RAB3GAP2: variants seen among roughly 807,000 people sequenced by gnomAD.
The protein encoded by RAB3GAP2 is rab3 GTPase-activating protein non-catalytic subunit.
RAB3GAP2 carries 87 observed loss-of-function variants against 185.3 expected under a neutral mutation model. The ratio of observed to expected loss-of-function variants is 0.47; its 90% CI spans 0.39 to 0.56. The LOEUF (loss-of-function observed/expected upper bound fraction) is 0.56, where lower values mean the gene tolerates loss of function less well. Among genes scored for constraint, RAB3GAP2 ranks in the 20% least tolerant of loss-of-function variants. RAB3GAP2 has a pLI of 0.00. For synonymous variants in RAB3GAP2, 554 were observed against 576.1 expected, an observed-to-expected ratio of 0.96 and a Z score of 0.55; for missense variants, 1,492 against 1,638.2, an observed-to-expected ratio of 0.91 and a Z score of 1.54.
intron 7 of RAB3GAP2, 51 bp from the exon 8 acceptor site, chr1:220,206,057 C>T: frequency 8.4e-7 from 1 of 1,188,326 alleles, no homozygotes; most frequent in Non-Finnish European, 1.2e-6. Flanking sequence ...ATAAGCTTAT[C>T]TACTTTTTAT....
Position 220,253,344 on chromosome 1 carries a change from C to A in RAB3GAP2, c.115+18879G>T, listed in dbSNP as rs1171772007. 4.6e-5 allele frequency among the ~76,000 whole-genome samples: 7 copies of A among 152,292 alleles called. No individual in the cohort carries two copies. In the East Asian group the frequency reaches 9.7e-4, roughly 21 times the overall value. On this transcript the variant is annotated intron_variant, in intron 1 of 34. Transcript: ENST00000358951. Reference sequence around the variant, plus strand: ...TGTTTTGTGGCCTTCACTGGTGATACCTCCAGGTACAGGAGAAACTGAGGC... The same window carrying A: ...TGTTTTGTGGCCTTCACTGGTGATAACTCCAGGTACAGGAGAAACTGAGGC...
rs1479785557 is a variant in RAB3GAP2 at position 220,232,800 on chromosome 1, G to A, written c.179C>T (p.Pro60Leu). Reference protein sequence around the residue: ...GAWEENEPQEPEEEGNTCKTQ... With the variant: ...GAWEENEPQELEEEGNTCKTQ... Reference sequence around the variant, plus strand: ...ATGCATATATTTGTAAAGACTTACAGGTTCTTGTGGTTCATTTTCTTCCCA... The same window carrying A: ...ATGCATATATTTGTAAAGACTTACAAGTTCTTGTGGTTCATTTTCTTCCCA... The change falls in exon 2 of 35, where the codon CCT becomes CTT. Residue 60 changes from proline to leucine, a missense_variant and splice_region_variant. Coordinates refer to ENST00000358951, the MANE Select transcript of RAB3GAP2 (RefSeq NM_012414.4). The A allele has an allele frequency of 1.2e-6, 2 of 1,611,826 alleles. No individual in the cohort carries two copies. The highest frequency in any genetic ancestry group is 1.1e-5 in the South Asian group (1 of 91,020).
intron 7 of RAB3GAP2, chr1:220,208,191 T>C (rs928755127): frequency 1.3e-5 from 2 of 152,210 alleles, no homozygotes; most frequent in Admixed American, 1.3e-4. Flanking sequence ...ATTACAGACA[T>C]GACCAAATTT....
intron 2 of RAB3GAP2, 125 bp downstream of exon 2, chr1:220,232,674 A>T: frequency 1.1e-6 from 1 of 884,726 alleles, no homozygotes; most frequent in Non-Finnish European, 1.9e-6. Flanking sequence ...AAGTACTAAT[A>T]AGTAAGCACA....
intron 1 of RAB3GAP2, among the ~76,000 whole-genome samples, chr1:220,270,959 C>A (rs1660323236): frequency 6.6e-6 from 1 of 152,192 alleles, no homozygotes; most frequent in Non-Finnish European, 1.5e-5. Flanking sequence ...TTTCTTAGTT[C>A]TCTAAATACC....
At chr1:220,190,607 CATT>C in intron 14 of RAB3GAP2, 87 bp from the exon 15 acceptor site, 1 of 1,357,464 alleles carries the variant, frequency 7.4e-7, no homozygotes, top group Non-Finnish European at 1.0e-6. Context: ...GGAAACCCAA[CATT>C]ATTATCAATT....
rs114916943 is a variant in RAB3GAP2, at chr1:220,237,676, A to G, written c.116-4813T>C. Among the ~76,000 whole-genome samples the G allele has an allele frequency of 3.4e-3, 523 of 152,294 alleles. 3 individuals are homozygous for G. Among genetic ancestry groups the G allele is most frequent in the African/African-American group, 0.012 (505 of 41,568 alleles). Reference sequence around the variant, plus strand: ...CCTAAAAATTTGAGGCAGATGGTGCATGCATGGATCACCTAAAGGATAAAC... The same window carrying G: ...CCTAAAAATTTGAGGCAGATGGTGCGTGCATGGATCACCTAAAGGATAAAC... On this transcript the variant is annotated intron_variant, in intron 1 of 34. Transcript: ENST00000358951.
rs189761471 is a variant in RAB3GAP2 at position 220,245,532 on chromosome 1, C to T, written c.116-12669G>A. Among the ~76,000 whole-genome samples the T allele has an allele frequency of 5.0e-3, 761 of 152,246 alleles. 3 individuals carry two copies. Among genetic ancestry groups the T allele is most frequent in the African/African-American group, 0.017 (715 of 41,540 alleles). On this transcript the variant is annotated intron_variant, in intron 1 of 34. Coordinates refer to ENST00000358951, the MANE Select transcript of RAB3GAP2 (RefSeq NM_012414.4). Reference sequence around the variant, plus strand: ...GGAGGGTCCTACGCCCATGGAATCTCGCTGATTGCTAGCACAGCAGTCTGA... The same window carrying T: ...GGAGGGTCCTACGCCCATGGAATCTTGCTGATTGCTAGCACAGCAGTCTGA...
intron 21 of RAB3GAP2, among the ~76,000 whole-genome samples, chr1:220,175,206 G>C (rs192864466): frequency 1.3e-5 from 2 of 152,016 alleles, no homozygotes; most frequent in East Asian, 3.9e-4. Flanking sequence ...TGTTATTAAA[G>C]TGCATCAGAT....
In RAB3GAP2 at chr1:220,171,053, T is replaced by A; in HGVS notation, c.2645A>T (p.Asp882Val). ...LTDSWEALSL[D>V]TEYWKLLLKQ... ...CAGAAGGAGTTTCCAGTACTCAGTGTCAAGAGAAAGTGCCTCCCAGGAATC... is the reference window on the plus strand; with the variant it reads ...CAGAAGGAGTTTCCAGTACTCAGTGACAAGAGAAAGTGCCTCCCAGGAATC... Residue 882 changes from aspartate (D) to valine (V), a missense_variant, in exon 24 of 35, where the codon GAC becomes GTC. Asp to Val is a radical substitution (Grantham distance 152, BLOSUM62 -3). Transcript: ENST00000358951. 1 of 1,614,160 alleles carries A rather than the reference T, an allele frequency of 6.2e-7. No individual in the cohort carries two copies.
In RAB3GAP2 at chr1:220,215,553, C is replaced by G. The variant is rs568099454; in HGVS notation, c.181-1574G>C. Among the ~76,000 whole-genome samples the G allele has an allele frequency of 2.0e-5, 3 of 151,844 alleles. No individual in the cohort carries two copies. In the East Asian group the frequency reaches 5.8e-4, roughly 29 times the overall value. On this transcript the variant is annotated intron_variant, in intron 2 of 34. Coordinates refer to ENST00000358951, the MANE Select transcript of RAB3GAP2 (RefSeq NM_012414.4). The stretch of plus-strand genomic sequence containing the variant: ...ATAATTTTCTATGAATAGTTTGTTC[C>G]CTTCCTTTGTAGATTTCCTGTTGGG...
chr1:220,234,013 A>G (rs11118507), intron 1 of RAB3GAP2, among the ~76,000 whole-genome samples: 69,597 of 152,142 alleles, frequency 0.46, 17,946 homozygotes, highest in African/African-American at 0.7. Context: ...GAGGTAATAC[A>G]TATAAAGTAT....
chr1:220,181,002 T>C (rs923954750), intron 21 of RAB3GAP2, among the ~76,000 whole-genome samples: 1 of 152,232 alleles, frequency 6.6e-6, no homozygotes, highest in Non-Finnish European at 1.5e-5. Flanking sequence ...TTCTTGTCAT[T>C]ATTCCCTCAA....
At chr1:220,188,940 A>G (rs772127454) in intron 17 of RAB3GAP2, among the ~76,000 whole-genome samples, 41 of 152,212 alleles carry the variant, frequency 2.7e-4, no homozygotes, top group Non-Finnish European at 4.4e-5. Context: ...CAGAAGACAT[A>G]GGGCATGACT....
chr1:220,205,661 C>T (rs542506293), intron 8 of RAB3GAP2, among the ~76,000 whole-genome samples: 3 of 152,208 alleles, frequency 2.0e-5, no homozygotes, highest in East Asian at 3.9e-4. Context: ...GAAGAAAGCC[C>T]GGTGTTCCTG....
chr1:220,189,791 G>A (rs957774832), intron 16 of RAB3GAP2, 24 bp from the exon 17 acceptor site: 2 of 1,431,018 alleles, frequency 1.4e-6, no homozygotes, highest in East Asian at 5.0e-5. Flanking sequence ...AATAATCAAA[G>A]TAAAATTTTA....
chr1:220,225,932 C>A (rs1012874386), intron 2 of RAB3GAP2, among the ~76,000 whole-genome samples: 1 of 152,182 alleles, frequency 6.6e-6, no homozygotes, highest in East Asian at 1.9e-4. Flanking sequence ...CCAATCAGGT[C>A]GTGCTATATT....
chr1:220,213,732 TGGGG>T, intron 3 of RAB3GAP2, 120 bp downstream of exon 3: 5 of 565,882 alleles, frequency 8.8e-6, no homozygotes, highest in Non-Finnish European at 1.3e-5. Flanking sequence ...GAGGAGGAGT[TGGGG>T]GGGGGGGGAG....
rs760969543 is a variant in RAB3GAP2 at position 220,157,407 on chromosome 1, T to C, written c.3418A>G (p.Ile1140Val). ...AWLSVEGPIS[I>V]VELALEQKHI... ...TTCTGTTCAAGGGCCAGTTCCACTATGGAGATTGGTCCTTCCACGGAGAGC... is the reference window on the plus strand; with the variant it reads ...TTCTGTTCAAGGGCCAGTTCCACTACGGAGATTGGTCCTTCCACGGAGAGC... Residue 1140 changes from isoleucine to valine, a missense_variant, in exon 31 of 35, where the codon ATA (isoleucine) becomes GTA (valine). Ile to Val is a conservative substitution (Grantham distance 29, BLOSUM62 3). Transcript: ENST00000358951. 6 of 1,613,906 alleles carry C rather than the reference T, an allele frequency of 3.7e-6. No homozygotes were observed. The South Asian group carries it at 6.6e-5, about 18-fold the overall frequency.
Sources: gnomAD v4.1 joint callset for allele counts (sites outside exome capture counted in the v4.1 genomes callset) on GRCh38, gnomAD v4.1.1 for gene constraint, MANE v1.5 for transcripts, NCBI Gene and HGNC (gene_info 2026-07-23, HGNC 2026-07-21) for gene names.